Variants in KLHL1 observed in about 807,000 individuals in gnomAD.
KLHL1 encodes kelch-like protein 1.
KLHL1 carries 47 observed loss-of-function variants against 77.7 expected under a neutral mutation model. The observed-to-expected ratio is 0.60, with a 90% CI of 0.48 to 0.77. KLHL1 has a LOEUF of 0.77. Ranked by LOEUF, KLHL1 falls within the 30% of genes least tolerant of loss-of-function variation. The pLI is 0.00. For synonymous variants in KLHL1, 360 were observed against 325.2 expected (o/e 1.11, Z -1.15); for missense variants, 925 against 910.8 (o/e 1.02, Z -0.20).
intron 1 of KLHL1, among the ~76,000 whole-genome samples, chr13:70,008,612 A>G (rs1430798281): frequency 6.6e-6 from 1 of 152,062 alleles, no homozygotes; most frequent in East Asian, 1.9e-4. Flanking sequence ...TTTCCCATCC[A>G]TAATAGTGTG....
intron 3 of KLHL1, among the ~76,000 whole-genome samples, chr13:69,944,462 A>G (rs1049544575): frequency 2.0e-5 from 3 of 152,166 alleles, no homozygotes; most frequent in African/African-American, 7.2e-5. Flanking sequence ...ATTCATAGCC[A>G]TTTGTAAAAC....
intron 1 of KLHL1, among the ~76,000 whole-genome samples, chr13:69,992,491 T>C (rs1432703941): frequency 1.3e-5 from 2 of 152,014 alleles, no homozygotes; most frequent in Non-Finnish European, 2.9e-5. Context: ...ATATGTGCCT[T>C]AGCTAGACTT....
At chr13:69,778,305 C>A (rs1463722355) in intron 7 of KLHL1, among the ~76,000 whole-genome samples, 1 of 152,078 alleles carries the variant, frequency 6.6e-6, no homozygotes, top group Non-Finnish European at 1.5e-5. Context: ...TGACTCAGAT[C>A]AAATGATATA....
At chr13:69,931,802 C>G (rs967208622) in intron 4 of KLHL1, among the ~76,000 whole-genome samples, 20 of 151,460 alleles carry the variant, frequency 1.3e-4, no homozygotes, top group African/African-American at 4.8e-4. Context: ...AAAACAGGAA[C>G]AGAAATTAGA....
intron 1 of KLHL1, among the ~76,000 whole-genome samples, chr13:70,027,075 T>C (rs1885968252): frequency 6.6e-6 from 1 of 152,108 alleles, no homozygotes; most frequent in Admixed American, 6.6e-5. Context: ...AGTAAAGATA[T>C]ATTCTTAAAT....
chr13:70,054,287 A>G (rs149321569), intron 1 of KLHL1, among the ~76,000 whole-genome samples: 2 of 152,242 alleles, frequency 1.3e-5, no homozygotes, highest in East Asian at 3.9e-4. Context: ...TTTAAATAAT[A>G]CAAATCGAAT....
chr13:70,050,195 C>A (rs1041668113), intron 1 of KLHL1, among the ~76,000 whole-genome samples: 1 of 151,566 alleles, frequency 6.6e-6, no homozygotes, highest in African/African-American at 2.4e-5. Flanking sequence ...ATTTTTGATA[C>A]TTTATATGTC....
chr13:69,978,526 G>A (rs1884614661), intron 1 of KLHL1, among the ~76,000 whole-genome samples: 3 of 147,362 alleles, frequency 2.0e-5, no homozygotes, highest in South Asian at 2.1e-4. Context: ...TCACTCTGTC[G>A]CCCAGGTTGG....
chr13:69,943,129 T>C (rs1042572736), intron 3 of KLHL1, among the ~76,000 whole-genome samples: 13 of 152,048 alleles, frequency 8.5e-5, no homozygotes, highest in Non-Finnish European at 1.5e-5. Context: ...GTATAGGTGA[T>C]CTTGTACCCT....
chr13:69,839,620 T>C (rs1428977556), intron 5 of KLHL1, among the ~76,000 whole-genome samples: 1 of 151,964 alleles, frequency 6.6e-6, no homozygotes, highest in Non-Finnish European at 1.5e-5. Context: ...CTCTTTTAAA[T>C]TCAAAATAAC....
intron 8 of KLHL1, among the ~76,000 whole-genome samples, chr13:69,720,235 A>C (rs984760786): frequency 3.3e-5 from 5 of 151,850 alleles, no homozygotes; most frequent in African/African-American, 9.7e-5. Flanking sequence ...GTATGATAGA[A>C]CCCCCCCAAA....
intron 6 of KLHL1, among the ~76,000 whole-genome samples, chr13:69,813,491 C>G (rs1285694347): frequency 1.3e-5 from 2 of 150,488 alleles, no homozygotes; most frequent in Non-Finnish European, 2.9e-5. Context: ...TACACACACA[C>G]ACACACACAC....
intron 1 of KLHL1, among the ~76,000 whole-genome samples, chr13:70,004,877 A>G (rs979829977): frequency 6.6e-6 from 1 of 151,428 alleles, no homozygotes; most frequent in Non-Finnish European, 1.5e-5. Flanking sequence ...TTATAACTAT[A>G]ACTGATATTA....
intron 7 of KLHL1, among the ~76,000 whole-genome samples, chr13:69,790,251 T>G (rs940662116): frequency 2.0e-5 from 3 of 148,310 alleles, no homozygotes; most frequent in African/African-American, 7.6e-5. Flanking sequence ...AAAAAAATAT[T>G]AAACTCTGGA....
intron 1 of KLHL1, among the ~76,000 whole-genome samples, chr13:70,070,696 G>A (rs1887118253): frequency 6.6e-6 from 1 of 151,998 alleles, no homozygotes; most frequent in Non-Finnish European, 1.5e-5. Context: ...AGAAATAAAA[G>A]TTAAATAAAA....
chr13:69,961,544 C>A, intron 2 of KLHL1, 100 bp from the exon 3 acceptor site: 1 of 1,257,918 alleles, frequency 7.9e-7, no homozygotes, highest in South Asian at 1.4e-5. Flanking sequence ...ATCTATTGAT[C>A]AATCAATTAA....
rs146231596 is a variant in KLHL1, at chr13:69,979,216, A to C, written c.498-3414T>G. On this transcript the variant is annotated intron_variant, in intron 1 of 10. Transcript: ENST00000377844. ...AGTTCTCTCCTAGATTTTTTTCCTA[A>C]AAGTTCTTAGGCATTAAGTTTCTTC... is the stretch of plus-strand genomic sequence containing the variant. 3.0e-3 allele frequency among the ~76,000 whole-genome samples: 454 copies of C among 151,852 alleles called. 2 individuals are homozygous for C. Among genetic ancestry groups the C allele is most frequent in the African/African-American group, 0.01 (434 of 41,486 alleles).
chr13:70,106,974 G>C (rs140943844), intron 1 of KLHL1, among the ~76,000 whole-genome samples: 1 of 152,270 alleles, frequency 6.6e-6, no homozygotes, highest in African/African-American at 2.4e-5. Flanking sequence ...TTCAATTGGT[G>C]GCTACAACTT....
At chr13:70,073,328 T>C (rs191824913) in intron 1 of KLHL1, among the ~76,000 whole-genome samples, 19 of 152,078 alleles carry the variant, frequency 1.2e-4, no homozygotes, top group African/African-American at 4.6e-4. Flanking sequence ...AAACACCACA[T>C]GTTCTCACTC....
Sources: allele counts gnomAD v4.1 joint callset (sites outside exome capture counted in the v4.1 genomes callset), GRCh38; gene constraint gnomAD v4.1.1; transcripts MANE v1.5; gene names NCBI Gene and HGNC (gene_info 2026-07-23, HGNC 2026-07-21).